Variants in HCFC2 observed in about 807,000 individuals in gnomAD.
HCFC2 encodes the protein host cell factor C2, also known as host cell factor 2.
HCFC2 carries 18 observed loss-of-function variants against 89.2 expected under a neutral mutation model. The ratio of observed to expected loss-of-function variants is 0.20; its 90% CI spans 0.14 to 0.30. The LOEUF (loss-of-function observed/expected upper bound fraction) is 0.30. Among genes scored for constraint, HCFC2 ranks in the 10% least tolerant of loss-of-function variants. The probability of loss-of-function intolerance (pLI) is 1.00; values close to 1 mark genes in which losing one functional copy is unlikely to be tolerated. For synonymous variants in HCFC2, 308 were observed against 335.7 expected (o/e 0.92, Z 0.90); for missense variants, 578 against 956.1 (o/e 0.60, Z 5.21).
At position 104,106,351 on chromosome 12, in the gene HCFC2, A is replaced by T. The variant is rs1318369834; in HGVS notation, c.*3078A>T. The T allele has an allele frequency of 2.6e-5, 4 of 152,178 alleles. No homozygotes were observed. Among genetic ancestry groups the T allele is most frequent in the Admixed American group, 2.6e-4 (4 of 15,276 alleles). The allele number at this position is 152,178 out of a possible 1,614,324, so 9.4% of individuals were successfully genotyped here. Reference sequence around the variant, plus strand: ...GGATATGAAGACATTATTAGTATTTAAAATTATTGTAGTCATTTGATCATA... The same window carrying T: ...GGATATGAAGACATTATTAGTATTTTAAATTATTGTAGTCATTTGATCATA... On this transcript the variant is annotated 3_prime_UTR_variant, in exon 15 of 15. Coordinates refer to ENST00000229330, the MANE Select transcript of HCFC2 (RefSeq NM_013320.3).
At chr12:104,083,901 A>G (rs1199911129) in intron 7 of HCFC2, among the ~76,000 whole-genome samples, 3 of 151,994 alleles carry the variant, frequency 2.0e-5, no homozygotes, top group Non-Finnish European at 4.4e-5. Flanking sequence ...GCTCATGCCT[A>G]TAGTCCCAGC....
chr12:104,103,243 A>G lies in HCFC2; in HGVS notation c.2349A>G (p.Gln783=). 6.2e-7 allele frequency: 1 copy of G among 1,613,110 alleles called. No individual in the cohort carries two copies. Among genetic ancestry groups the G allele is most frequent in the East Asian group, 2.2e-5 (1 of 44,862 alleles). ...YGPATQVRWL[Q]GNNKKAPLN is the part of the protein sequence containing the mutation. ...CAGCTACACAAGTTCGGTGGCTTCA[A>G]GGTAACAATAAGAAAGCACCTTTAA... The change falls in exon 15 of 15, where the codon CAA becomes CAG. Residue 783 remains glutamine (Q), a synonymous_variant. Transcript: ENST00000229330.
chr12:104,076,128 A>G (rs1420452626), intron 3 of HCFC2, among the ~76,000 whole-genome samples: 1 of 152,210 alleles, frequency 6.6e-6, no homozygotes, highest in Admixed American at 6.5e-5. Flanking sequence ...TTCTTTGTCT[A>G]TTAAATCAAT....
At position 104,098,336 on chromosome 12, in the gene HCFC2, A is replaced by C. The variant is rs1884237521; in HGVS notation, c.1741-7A>C. On this transcript the variant is annotated splice_polypyrimidine_tract_variant and splice_region_variant and intron_variant, in intron 12 of 14. Transcript: ENST00000229330. ...GTCTTCATAAATTTTTTTTTCTCTG[A>C]AATTAGAAAGAGACTCCTTCAAATC... 6.3e-7 allele frequency: 1 copy of C among 1,578,134 alleles called. No homozygotes were observed. Among genetic ancestry groups the C allele is most frequent in the Non-Finnish European group, 8.5e-7 (1 of 1,170,660 alleles).
chr12:104,070,801 C>CTT (rs35437369), intron 3 of HCFC2, among the ~76,000 whole-genome samples: 225 of 124,972 alleles, frequency 1.8e-3, no homozygotes, highest in South Asian at 2.7e-3. Flanking sequence ...ATACTTTTTA[C>CTT]TTTTTTTTTT....
At position 104,095,365 on chromosome 12, in the gene HCFC2, C is replaced by T. The variant is rs1884144630; in HGVS notation, c.1468C>T (p.His490Tyr). The T allele has an allele frequency of 1.2e-6, 2 of 1,611,590 alleles. No homozygotes were observed. Among genetic ancestry groups the T allele is most frequent in the Non-Finnish European group, 1.7e-6 (2 of 1,177,958 alleles). Residue 490 changes from histidine (H) to tyrosine (Y), a missense_variant, in exon 11 of 15, where the codon CAC (histidine) becomes TAC (tyrosine). His to Tyr is a moderately conservative substitution (Grantham distance 83, BLOSUM62 2). Transcript: ENST00000229330. The surrounding 1 kb of genome is among the most constrained non-coding windows in gnomAD (Gnocchi z 4.2). ...VDMLRKNEGP[H>Y]TSANVGVLSS... ...CCTTTTCCCTTTTATTTTAGGTCCT[C>T]ACACTTCAGCAAATGTAGGTGTTCT... is the stretch of plus-strand genomic sequence containing the variant.
At chr12:104,098,502 A>G (rs1884243377) in intron 13 of HCFC2, 22 bp downstream of exon 13, 1 of 1,572,768 alleles carries the variant, frequency 6.4e-7, no homozygotes, top group Non-Finnish European at 8.6e-7. Flanking sequence ...TATATTTTCT[A>G]CATTGTAAAT....
At chr12:104,065,290 C>G (rs1297275053) in intron 1 of HCFC2, 1 of 152,380 alleles carries the variant, frequency 6.6e-6, no homozygotes, top group Non-Finnish European at 1.5e-5. Flanking sequence ...GGCCTTGTGT[C>G]TGCATACTCG....
intron 3 of HCFC2, among the ~76,000 whole-genome samples, chr12:104,077,806 C>A (rs1411484919): frequency 6.6e-6 from 1 of 151,790 alleles, no homozygotes; most frequent in Non-Finnish European, 1.5e-5. Context: ...TGCCTACCTC[C>A]TTTTTCTGTA....
chr12:104,092,191 G>T lies in HCFC2; in HGVS notation c.1285-1195G>T, dbSNP rs1884040792. Among the ~76,000 whole-genome samples, 3 of 152,182 alleles carry T rather than the reference G, an allele frequency of 2.0e-5. No homozygotes were observed. The South Asian group carries it at 6.2e-4, about 32-fold the overall frequency. Reference sequence around the variant, plus strand: ...CAAAAGATTTTAAATGTGGCGGCTGGGTTCTGTGGCTCACAGCTATAATCC... The same window carrying T: ...CAAAAGATTTTAAATGTGGCGGCTGTGTTCTGTGGCTCACAGCTATAATCC... On this transcript the variant is annotated intron_variant, in intron 9 of 14. Coordinates refer to ENST00000229330, the MANE Select transcript of HCFC2 (RefSeq NM_013320.3).
At chr12:104,067,102 T>C (rs944147640) in intron 2 of HCFC2, among the ~76,000 whole-genome samples, 1 of 152,146 alleles carries the variant, frequency 6.6e-6, no homozygotes, top group Non-Finnish European at 1.5e-5. Context: ...AATTCTTAAG[T>C]ATTAAGTACT....
chr12:104,106,202 A>G lies in HCFC2; in HGVS notation c.*2929A>G, dbSNP rs906215604. 2.0e-5 allele frequency: 3 copies of G among 152,156 alleles called. No homozygotes were observed. The highest frequency in any genetic ancestry group is 2.9e-5 in the Non-Finnish European group (2 of 67,978). 9.4% of individuals were successfully genotyped at this position (152,156 alleles called of 1,614,324 possible). On this transcript the variant is annotated 3_prime_UTR_variant, in exon 15 of 15. Transcript: ENST00000229330. The stretch of plus-strand genomic sequence containing the variant: ...TATCTATAGGAAGGTGAAATTGTTG[A>G]TCTATTATTTCAAAGACTTGTAGAC...
At chr12:104,094,854 G>A (rs1884128980) in intron 10 of HCFC2, among the ~76,000 whole-genome samples, 2 of 152,176 alleles carry the variant, frequency 1.3e-5, no homozygotes, top group Admixed American at 1.3e-4. Context: ...CCTGAAGAGA[G>A]AGGAATGATT....
chr12:104,086,785 TATATC>T, intron 7 of HCFC2, 57 bp from the exon 8 acceptor site: 1 of 1,466,640 alleles, frequency 6.8e-7, no homozygotes, highest in Non-Finnish European at 9.4e-7. Flanking sequence ...CCACACAAAT[TATATC>T]AGCAAACCAT....
At position 104,064,834 on chromosome 12, in the gene HCFC2, T is replaced by C; in HGVS notation, c.163+111T>C. ...CTGTCACCGCCCGGTCACTGCTTCC[T>C]TGGGCGGGCGGCGGGGAGCGCGGCT... On this transcript the variant is annotated intron_variant, in intron 1 of 14. Transcript: ENST00000229330. This position sits in a 1 kb window ranked among gnomAD's most constrained non-coding sequence, Gnocchi z 7.3. 1 of 1,023,650 alleles carries C rather than the reference T, an allele frequency of 9.8e-7. No individual in the cohort carries two copies. Among genetic ancestry groups the C allele is most frequent in the Non-Finnish European group, 1.3e-6 (1 of 759,184 alleles). The allele number at this position is 1,023,650 out of a possible 1,614,324, so 63.4% of individuals were successfully genotyped here.
At chr12:104,092,051 C>T (rs148876400) in intron 9 of HCFC2, among the ~76,000 whole-genome samples, 1 of 152,214 alleles carries the variant, frequency 6.6e-6, no homozygotes, top group Non-Finnish European at 1.5e-5. Flanking sequence ...TAACAAAAAA[C>T]AGGTAATTAG....
chr12:104,080,533 T>TA (rs1883653833), intron 4 of HCFC2: 1 of 353,952 alleles, frequency 2.8e-6, no homozygotes. Context: ...CACCCATAGA[T>TA]ATGGAGGGCT....
rs1883221461 is a variant in HCFC2 at position 104,068,530 on chromosome 12, AT to A, written c.473+426del. ...CTCTGACTATAAAATGAAAGCTATCATTTCCATGTTTTATACAGGAAGCTAT... is the reference window on the plus strand; with the variant it reads ...CTCTGACTATAAAATGAAAGCTATCATTCCATGTTTTATACAGGAAGCTAT... On this transcript the variant is annotated intron_variant, in intron 3 of 14. Transcript: ENST00000229330. This position sits in a 1 kb window ranked among gnomAD's most constrained non-coding sequence, Gnocchi z 4.1. 6.6e-6 allele frequency among the ~76,000 whole-genome samples: 1 copy of A among 152,208 alleles called. No homozygotes were observed. The highest frequency in any genetic ancestry group is 2.4e-5 in the African/African-American group (1 of 41,462).
chr12:104,093,576 C>T lies in HCFC2; in HGVS notation c.1462+13C>T. On this transcript the variant is annotated intron_variant, in intron 10 of 14. Transcript: ENST00000229330. The stretch of plus-strand genomic sequence containing the variant: ...AGGAAAAATGAAGGTATATGGATGA[C>T]ATTTTAAACTAAAGCTTTTTATAAA... The T allele has an allele frequency of 6.4e-7, 1 of 1,573,876 alleles. No homozygotes were observed. Among genetic ancestry groups the T allele is most frequent in the Non-Finnish European group, 8.6e-7 (1 of 1,158,270 alleles).
Sources: gnomAD v4.1 joint callset for allele counts (sites outside exome capture counted in the v4.1 genomes callset) on GRCh38, gnomAD v4.1.1 for gene constraint, Gnocchi (gnomAD v3.1) non-coding constraint, MANE v1.5 for transcripts, NCBI Gene and HGNC (gene_info 2026-07-23, HGNC 2026-07-21) for gene names.